Variants in SLC37A1 observed in about 807,000 individuals in gnomAD.
The protein encoded by SLC37A1 is solute carrier family 37 member 1, also known as glucose-6-phosphate exchanger SLC37A1.
A neutral mutation model predicts 75.3 loss-of-function variants in SLC37A1; 49 were observed. That is an observed-to-expected ratio of 0.65 (90% confidence interval 0.52 to 0.83). The LOEUF is 0.83. Ranked by LOEUF, SLC37A1 falls within the 40% of genes least tolerant of loss-of-function variation. SLC37A1 has a pLI of 0.00. For missense variants in SLC37A1, 566 were observed against 695.0 expected (o/e 0.81, Z 2.09); for synonymous variants, 268 against 292.1 (o/e 0.92, Z 0.84).
chr21:42,522,041 C>A (rs539184331), intron 2 of SLC37A1, among the ~76,000 whole-genome samples: 1 of 152,208 alleles, frequency 6.6e-6, no homozygotes, highest in Non-Finnish European at 1.5e-5. Context: ...TGGCTGGTGG[C>A]TGCATCACAC....
chr21:42,534,776 G>T lies in SLC37A1; in HGVS notation c.217G>T (p.Ala73Ser). ...CAGCCAGAACAGGAAGTCTGGGTCCGCTGCCCCCCACCAGCTCCCTGACAA... is the reference window on the plus strand; with the variant it reads ...CAGCCAGAACAGGAAGTCTGGGTCCTCTGCCCCCCACCAGCTCCCTGACAA... ...FSSQNRKSGS[A>S]APHQLPDNET... Residue 73 changes from alanine to serine, a missense_variant, in exon 4 of 20, where the codon GCT becomes TCT. Physicochemically the swap from Ala to Ser is moderately conservative, Grantham distance 99 (BLOSUM62 1). Transcript: ENST00000352133. The T allele has an allele frequency of 6.2e-7, 1 of 1,613,966 alleles. No homozygotes were observed. The highest frequency in any genetic ancestry group is 8.5e-7 in the Non-Finnish European group (1 of 1,179,960).
chr21:42,571,573 C>T (rs2056166004), intron 17 of SLC37A1, among the ~76,000 whole-genome samples: 1 of 152,100 alleles, frequency 6.6e-6, no homozygotes, highest in African/African-American at 2.4e-5. Context: ...TCAGCTGCCT[C>T]TCTCTGCTTA....
At chr21:42,532,828 C>T (rs1601695580) in intron 3 of SLC37A1, among the ~76,000 whole-genome samples, 1 of 152,304 alleles carries the variant, frequency 6.6e-6, no homozygotes, top group South Asian at 2.1e-4. Context: ...AGGACCAGCT[C>T]TGCCAAGGGA....
At chr21:42,534,298 G>A (rs148058107) in intron 3 of SLC37A1, among the ~76,000 whole-genome samples, 1 of 152,290 alleles carries the variant, frequency 6.6e-6, no homozygotes, top group African/African-American at 2.4e-5. Context: ...TTTTTCACGG[G>A]TGTGTAGCAT....
intron 6 of SLC37A1, 85 bp from the exon 7 acceptor site, chr21:42,542,319 G>A (rs1330000789): frequency 4.1e-6 from 5 of 1,205,264 alleles, no homozygotes; most frequent in Non-Finnish European, 5.9e-6. Context: ...CTTTGTGTAA[G>A]TGGAGCAAGC....
upstream of SLC37A1, chr21:42,509,472 A>T (rs1255722287): frequency 2.0e-5 from 3 of 152,222 alleles, no homozygotes; most frequent in Admixed American, 2.0e-4. The surrounding 1 kb of genome is among the most constrained non-coding windows in gnomAD (Gnocchi z 4.2). Flanking sequence ...CTGCAACTGG[A>T]AGTGTGGCAT....
intron 6 of SLC37A1, 56 bp downstream of exon 6, chr21:42,539,703 G>A: frequency 6.4e-7 from 1 of 1,555,192 alleles, no homozygotes; most frequent in Non-Finnish European, 8.7e-7. Context: ...TGAATAGGGT[G>A]GAGTGTTTAT....
intron 10 of SLC37A1, among the ~76,000 whole-genome samples, chr21:42,555,748 TC>T (rs1415911088): frequency 1.3e-5 from 2 of 152,232 alleles, no homozygotes; most frequent in Non-Finnish European, 2.9e-5. Context: ...TTTCTCTCTT[TC>T]CTTTTCCGGC....
intron 17 of SLC37A1, among the ~76,000 whole-genome samples, chr21:42,569,474 C>CGG (rs2056065725): frequency 2.7e-5 from 4 of 150,578 alleles, no homozygotes; most frequent in Non-Finnish European, 4.4e-5. Flanking sequence ...GGGAAGGTCC[C>CGG]CACAGGTGAC....
chr21:42,580,776 A>C lies in SLC37A1; in HGVS notation c.*416A>C. On this transcript the variant is annotated 3_prime_UTR_variant, in exon 20 of 20. Transcript: ENST00000352133. ...ACTGCGCTGGCTGTGGCTTCAGAGA[A>C]CCTGTATGTGCCACATGGAAAAACA... The C allele has an allele frequency of 4.6e-6, 1 of 218,560 alleles. No individual in the cohort carries two copies. 13.5% of individuals were successfully genotyped at this position (218,560 alleles called of 1,614,324 possible). A position where few individuals can be genotyped will look rare whatever the true frequency, so the allele number is the denominator to read the frequency against.
rs1208393455 is a variant in SLC37A1 at position 42,579,340 on chromosome 21, T to C, written c.1522-396T>C. Among the ~76,000 whole-genome samples, 35 of 152,234 alleles carry C rather than the reference T, an allele frequency of 2.3e-4. 1 individual carries two copies. The highest frequency in any genetic ancestry group is 4.4e-5 in the Non-Finnish European group (3 of 68,024). The stretch of plus-strand genomic sequence containing the variant: ...CTGAGAAGCTCGCAGGTCCACCCAC[T>C]GGGCCACCCGCATTATGGTCCTCTT... On this transcript the variant is annotated intron_variant, in intron 18 of 19. Transcript: ENST00000352133.
At chr21:42,518,178 G>A in intron 1 of SLC37A1, 99 bp from the exon 2 acceptor site, 1 of 467,978 alleles carries the variant, frequency 2.1e-6, no homozygotes, top group South Asian at 2.0e-5. Flanking sequence ...GATCAGGACT[G>A]GGTACTGCTA....
At chr21:42,578,819 A>C (rs1195318130) in intron 18 of SLC37A1, among the ~76,000 whole-genome samples, 2 of 152,104 alleles carry the variant, frequency 1.3e-5, no homozygotes, top group African/African-American at 2.4e-5. Flanking sequence ...AAAATAGAAG[A>C]GTTTCTGCCT....
chr21:42,507,454 C>A (rs1161344877), intron 2 of SLC37A1, among the ~76,000 whole-genome samples: 55 of 152,120 alleles, frequency 3.6e-4, no homozygotes, highest in Admixed American at 3.6e-3. Context: ...AAAGCCTCAC[C>A]ATCCAAAGCC....
chr21:42,553,354 G>A (rs1601734178), intron 9 of SLC37A1, among the ~76,000 whole-genome samples: 2 of 152,060 alleles, frequency 1.3e-5, no homozygotes, highest in South Asian at 4.1e-4. Context: ...AAGTTTGTTT[G>A]GACTATTTCA....
intron 15 of SLC37A1, 81 bp from the exon 16 acceptor site, chr21:42,566,904 G>A: frequency 7.0e-7 from 1 of 1,435,774 alleles, no homozygotes; most frequent in Non-Finnish European, 9.5e-7. Context: ...TGCTCCCCAG[G>A]CGCCCACCTC....
intron 11 of SLC37A1, 151 bp downstream of exon 11, chr21:42,559,240 C>A: frequency 1.0e-6 from 1 of 975,126 alleles, no homozygotes; most frequent in Non-Finnish European, 1.5e-6. Context: ...CTGCACAGTG[C>A]TAGCTTCAGG....
intron 2 of SLC37A1, among the ~76,000 whole-genome samples, chr21:42,519,956 CAG>C (rs2054605564): frequency 7.1e-6 from 1 of 141,110 alleles, no homozygotes; most frequent in South Asian, 2.2e-4. Context: ...TGCCCCTCCA[CAG>C]TGTGTTTGTG....
intron 1 of SLC37A1, chr21:42,502,267 C>G (rs1164013480): frequency 6.6e-6 from 1 of 152,192 alleles, no homozygotes; most frequent in Non-Finnish European, 1.5e-5. Flanking sequence ...TCTTTGTCCA[C>G]ATCTCAAATT....
Sources: allele counts gnomAD v4.1 joint callset (sites outside exome capture counted in the v4.1 genomes callset), GRCh38; gene constraint gnomAD v4.1.1; non-coding constraint Gnocchi (gnomAD v3.1); transcripts MANE v1.5; gene names NCBI Gene and HGNC (gene_info 2026-07-23, HGNC 2026-07-21).